Variants in ULK3 observed in about 807,000 individuals in gnomAD.
ULK3 encodes serine/threonine-protein kinase ULK3.
In ULK3, 54 loss-of-function variants were observed where a neutral mutation model predicts 69.4. The observed-to-expected ratio is 0.78, with a 90% CI of 0.63 to 0.98. The LOEUF is 0.98. Ranked by LOEUF, ULK3 falls within the 50% of genes least tolerant of loss-of-function variation. The pLI is 0.00. For missense variants in ULK3, 558 were observed against 627.7 expected (o/e 0.89, Z 1.19); for synonymous variants, 240 against 254.5 (o/e 0.94, Z 0.54).
rs529723609 is a variant in ULK3 at position 74,840,385 on chromosome 15, G to C, written c.614-69C>G. The C allele has an allele frequency of 1.7e-5, 26 of 1,571,400 alleles. No individual in the cohort carries two copies. In the Admixed American group the frequency reaches 4.5e-4, roughly 27 times the overall value. On this transcript the variant is annotated intron_variant, in intron 5 of 15. Transcript: ENST00000440863. The stretch of plus-strand genomic sequence containing the variant: ...AGCCTGGCCTGACGCCCCTCAGCAG[G>C]GGCCCTGGGCCAGCAGTCAGTTTTC...
In ULK3 at chr15:74,842,845, G is replaced by A. The variant is rs1006622561; in HGVS notation, c.102+159C>T. On this transcript the variant is annotated intron_variant, in intron 1 of 15. Coordinates refer to ENST00000440863, the MANE Select transcript of ULK3 (RefSeq NM_001099436.4). The surrounding 1 kb of genome is among the most constrained non-coding windows in gnomAD (Gnocchi z 4.9). The stretch of plus-strand genomic sequence containing the variant: ...TGCAGGTGCGCTCTTTAAGACCTAA[G>A]CGTGGCAGTCGGCTCCAACCTCCGC... 60 of 1,343,356 alleles carry A rather than the reference G, an allele frequency of 4.5e-5. No homozygotes were observed. In the African/African-American group the frequency reaches 6.7e-4, roughly 15 times the overall value. 83.2% of individuals were successfully genotyped at this position (1,343,356 alleles called of 1,614,324 possible). A position where few individuals can be genotyped will look rare whatever the true frequency, so the allele number is the denominator to read the frequency against.
rs2290573 is a variant in ULK3 at position 74,837,253 on chromosome 15, G to A, written c.1403-9C>T. On this transcript the variant is annotated splice_polypyrimidine_tract_variant and intron_variant, in intron 15 of 15. Coordinates refer to ENST00000440863, the MANE Select transcript of ULK3 (RefSeq NM_001099436.4). Reference sequence around the variant, plus strand: ...TCACTGAAGGGTGCAAGCTACGGGGGTGAGGGGGACAATGGGGGAGGGTCA... The same window carrying A: ...TCACTGAAGGGTGCAAGCTACGGGGATGAGGGGGACAATGGGGGAGGGTCA... The A allele has an allele frequency of 0.48, 758,500 of 1,592,098 alleles. 197,973 individuals are homozygous for A. The highest frequency in any genetic ancestry group is 0.55 in the Non-Finnish European group (639,405 of 1,167,496).
rs990445090 is a variant in ULK3 at position 74,842,064 on chromosome 15, C to T, written c.364+11G>A. ...GGGACAGAGTGTCAGGCTGGTGTCACAGGCCTTTACCTAATTGCTGCATGA... is the reference window on the plus strand; with the variant it reads ...GGGACAGAGTGTCAGGCTGGTGTCATAGGCCTTTACCTAATTGCTGCATGA... On this transcript the variant is annotated intron_variant, in intron 3 of 15. Coordinates refer to ENST00000440863, the MANE Select transcript of ULK3 (RefSeq NM_001099436.4). The surrounding 1 kb of genome is among the most constrained non-coding windows in gnomAD (Gnocchi z 4.9). 3.1e-6 allele frequency: 5 copies of T among 1,613,440 alleles called. No individual in the cohort carries two copies. In the African/African-American group the frequency reaches 4.0e-5, roughly 13 times the overall value.
chr15:74,841,772 CT>C (rs2064259583), intron 3 of ULK3, among the ~76,000 whole-genome samples: 1 of 152,236 alleles, frequency 6.6e-6, no homozygotes, highest in Admixed American at 6.5e-5. Context: ...CCTTGAGATC[CT>C]GCTCTTTTCC....
At chr15:74,837,286 G>T in intron 15 of ULK3, 42 bp from the exon 16 acceptor site, 1 of 1,610,364 alleles carries the variant, frequency 6.2e-7, no homozygotes, top group Non-Finnish European at 8.5e-7. Context: ...TCAGTCTCAG[G>T]TCTTTGGTAA....
intron 6 of ULK3, 118 bp downstream of exon 6, chr15:74,840,113 TCCA>T: frequency 7.9e-7 from 1 of 1,264,918 alleles, no homozygotes; most frequent in Non-Finnish European, 1.1e-6. Flanking sequence ...AACCTGCCCC[TCCA>T]CCACAAAGGC....
chr15:74,841,575 G>C, intron 3 of ULK3, 66 bp from the exon 4 acceptor site: 1 of 1,370,004 alleles, frequency 7.3e-7, no homozygotes, highest in Non-Finnish European at 1.0e-6. Context: ...TCGCCTCCCC[G>C]GCTCACATCT....
At position 74,837,478 on chromosome 15, in the gene ULK3, ACGAGCCACAGCGCAG is replaced by A. The variant is rs2064055385; in HGVS notation, c.1336-58_1336-44del. On this transcript the variant is annotated intron_variant, in intron 14 of 15. Transcript: ENST00000440863. ...AGCACAAGGGATGAGAGGCAGACAC[ACGAGCCACAGCGCAG>A]TGCCGAGCAAGTGAGAGAGTGAAGG... is the stretch of plus-strand genomic sequence containing the variant. 103 of 1,267,840 alleles carry A rather than the reference ACGAGCCACAGCGCAG, an allele frequency of 8.1e-5. No homozygotes were observed. The East Asian group carries it at 3.7e-3, about 45-fold the overall frequency. 78.5% of individuals were successfully genotyped at this position (1,267,840 alleles called of 1,614,324 possible).
chr15:74,839,202 A>G, intron 8 of ULK3, 66 bp downstream of exon 8: 1 of 1,529,068 alleles, frequency 6.5e-7, no homozygotes, highest in East Asian at 2.5e-5. Flanking sequence ...GAATCCACCT[A>G]CTGCAGCCAC....
In ULK3 at chr15:74,842,708, G is replaced by A. The variant is rs370779179; in HGVS notation, c.103-288C>T. ...CTCCCGGCAGAGGCATGTCACTCAG[G>A]GTTCTAGAACCGCCCACTCTGCCTC... On this transcript the variant is annotated intron_variant, in intron 1 of 15. Coordinates refer to ENST00000440863, the MANE Select transcript of ULK3 (RefSeq NM_001099436.4). This position sits in a 1 kb window ranked among gnomAD's most constrained non-coding sequence, Gnocchi z 4.9. 9 of 1,533,134 alleles carry A rather than the reference G, an allele frequency of 5.9e-6. No individual in the cohort carries two copies. In the East Asian group the frequency reaches 1.2e-4, roughly 21 times the overall value. The allele number at this position is 1,533,134 out of a possible 1,614,324, so 95.0% of individuals were successfully genotyped here.
At chr15:74,840,211 C>T (rs767548138) in intron 6 of ULK3, 23 bp downstream of exon 6, 19 of 1,593,976 alleles carry the variant, frequency 1.2e-5, no homozygotes, top group African/African-American at 8.1e-5. Flanking sequence ...CCCCAGTGGT[C>T]GCTAAGGCCC....
chr15:74,840,749 A>G, intron 4 of ULK3, 108 bp from the exon 5 acceptor site: 1 of 1,397,508 alleles, frequency 7.2e-7, no homozygotes, highest in Non-Finnish European at 9.5e-7. Flanking sequence ...CGCCAGGATC[A>G]ACCCTATTTC....
rs1349452738 is a variant in ULK3 at position 74,838,721 on chromosome 15, C to T, written c.1024G>A (p.Glu342Lys). ...GAGGAGACGATGGCCTTGAGCTCCT[C>T]AGCCCGGGACACGTACTGCCCCACC... ...AKVGQYVSRAEELKAIVSSSN... is the reference protein window; with the variant it reads ...AKVGQYVSRAKELKAIVSSSN... Residue 342 changes from glutamate (E) to lysine (K), a missense_variant, in exon 10 of 16, where the codon GAG becomes AAG. Transcript: ENST00000440863. The T allele has an allele frequency of 5.6e-6, 9 of 1,611,102 alleles. No homozygotes were observed. Among genetic ancestry groups the T allele is most frequent in the Non-Finnish European group, 7.6e-6 (9 of 1,178,548 alleles).
At position 74,836,840 on chromosome 15, in the gene ULK3, C is replaced by T. The variant is rs1030086229; in HGVS notation, c.*388G>A. 6 of 183,272 alleles carry T rather than the reference C, an allele frequency of 3.3e-5. No homozygotes were observed. The highest frequency in any genetic ancestry group is 2.3e-3 in the Middle Eastern group (1 of 434). The allele number at this position is 183,272 out of a possible 1,614,324, so 11.4% of individuals were successfully genotyped here. A position where few individuals can be genotyped will look rare whatever the true frequency, so the allele number is the denominator to read the frequency against. On this transcript the variant is annotated 3_prime_UTR_variant, in exon 16 of 16. Transcript: ENST00000440863. This position sits in a 1 kb window ranked among gnomAD's most constrained non-coding sequence, Gnocchi z 4.0. The stretch of plus-strand genomic sequence containing the variant: ...AAGGGCAGGCCAGGGGCACAGCTGC[C>T]TGCTGGCAGGGCGAGGGCAAGCACA...
chr15:74,841,128 G>A (rs1287150883), intron 4 of ULK3, among the ~76,000 whole-genome samples: 2 of 152,162 alleles, frequency 1.3e-5, no homozygotes, highest in Non-Finnish European at 1.5e-5. Flanking sequence ...CCCTGGCACT[G>A]TTCCCAGATT....
chr15:74,839,338 C>T lies in ULK3; in HGVS notation c.888G>A (p.Gln296=). Reference sequence around the variant, plus strand: ...ATAAGGCAGCTGCTGAATCCCCCTCCTGGTCTTTCTTCACAGCCTGCACCA... The same window carrying T: ...ATAAGGCAGCTGCTGAATCCCCCTCTTGGTCTTTCTTCACAGCCTGCACCA... ...ALVVQAVKKD[Q]EGDSAAALSL... Residue 296 remains glutamine (Q), a synonymous_variant, in exon 8 of 16, where the codon CAG becomes CAA. Coordinates refer to ENST00000440863, the MANE Select transcript of ULK3 (RefSeq NM_001099436.4). The T allele has an allele frequency of 2.6e-6, 4 of 1,566,942 alleles. No homozygotes were observed. The highest frequency in any genetic ancestry group is 3.5e-6 in the Non-Finnish European group (4 of 1,155,304).
rs750712784 is a variant in ULK3 at position 74,837,442 on chromosome 15, G to C, written c.1336-7C>G. 1.1e-5 allele frequency: 17 copies of C among 1,610,060 alleles called. No homozygotes were observed. The highest frequency in any genetic ancestry group is 1.4e-5 in the Non-Finnish European group (16 of 1,178,250). ...CCCAGCGAGATTCCCTCATCTGTGG[G>C]ATGTGAAGGCAGCACAAGGGATGAG... On this transcript the variant is annotated splice_polypyrimidine_tract_variant and splice_region_variant and intron_variant, in intron 14 of 15. Coordinates refer to ENST00000440863, the MANE Select transcript of ULK3 (RefSeq NM_001099436.4).
Position 74,838,464 on chromosome 15 carries a change from T to A in ULK3, c.1143A>T (p.Glu381Asp). The A allele has an allele frequency of 6.3e-7, 1 of 1,580,918 alleles. No individual in the cohort carries two copies. The highest frequency in any genetic ancestry group is 8.6e-7 in the Non-Finnish European group (1 of 1,163,460). The change falls in exon 11 of 16, where the codon GAA becomes GAT. Residue 381 changes from glutamate to aspartate, a missense_variant. Coordinates refer to ENST00000440863, the MANE Select transcript of ULK3 (RefSeq NM_001099436.4). Reference protein sequence around the residue: ...RDKPRLLAALEVASAAMAKEE... With the variant: ...RDKPRLLAALDVASAAMAKEE... ...CCTTGGCCATGGCAGCTGAAGCCAC[T>A]TCCAGGGCAGCTAGGAGGCGTGGCT...
At chr15:74,839,495 C>T in intron 7 of ULK3, 63 bp downstream of exon 7, 11 of 1,539,964 alleles carry the variant, frequency 7.1e-6, no homozygotes, top group Non-Finnish European at 9.6e-6. Context: ...AATTCACCAC[C>T]AACGGGGGCA....
Sources: allele counts gnomAD v4.1 joint callset (sites outside exome capture counted in the v4.1 genomes callset), GRCh38; gene constraint gnomAD v4.1.1; non-coding constraint Gnocchi (gnomAD v3.1); transcripts MANE v1.5; gene names NCBI Gene and HGNC (gene_info 2026-07-23, HGNC 2026-07-21).